DST: variants seen among roughly 807,000 people sequenced by gnomAD.
DST encodes the protein dystonin.
Under a neutral mutation model 875.2 loss-of-function variants are expected in DST, and 253 were observed. That is an observed-to-expected ratio of 0.29 (90% CI 0.26 to 0.32). DST has a LOEUF of 0.32. Ranked by LOEUF, DST falls within the 10% of genes least tolerant of loss-of-function variation. The probability of loss-of-function intolerance (pLI) is 1.00; values close to 1 mark genes in which losing one functional copy is unlikely to be tolerated. For missense variants in DST, 8,287 were observed against 9,111.6 expected (o/e 0.91, Z 3.68); for synonymous variants, 3,124 against 3,197.1 (o/e 0.98, Z 0.77).
At chr6:56,656,739 A>G (rs1452373752) in intron 10 of DST, among the ~76,000 whole-genome samples, 2 of 152,196 alleles carry the variant, frequency 1.3e-5, no homozygotes, top group African/African-American at 4.8e-5. Context: ...AAACAGTAAC[A>G]CCCCATATGA....
intron 2 of DST, among the ~76,000 whole-genome samples, chr6:56,947,225 A>T (rs1323711111): frequency 1.3e-5 from 2 of 150,584 alleles, no homozygotes; most frequent in Non-Finnish European, 2.9e-5. Context: ...AAAAGAAATC[A>T]AATGGTGATT....
At chr6:56,771,517 T>C (rs2099664114) in intron 4 of DST, among the ~76,000 whole-genome samples, 1 of 152,200 alleles carries the variant, frequency 6.6e-6, no homozygotes, top group South Asian at 2.1e-4. Context: ...TCTAAATGTA[T>C]AAATCATCAT....
At chr6:56,769,652 C>CA (rs540363892) in intron 4 of DST, among the ~76,000 whole-genome samples, 18 of 152,068 alleles carry the variant, frequency 1.2e-4, no homozygotes, top group East Asian at 7.7e-4. Context: ...CCCATCTCTA[C>CA]AAAAAAACAC....
intron 81 of DST, 160 bp from the exon 82 acceptor site, chr6:56,497,667 G>C: frequency 1.0e-6 from 1 of 989,116 alleles, no homozygotes; most frequent in Non-Finnish European, 1.5e-6. Context: ...AGCTCTAGTA[G>C]ATAAGAGTAT....
chr6:56,908,528 A>G (rs577013629), intron 2 of DST, among the ~76,000 whole-genome samples: 2 of 152,306 alleles, frequency 1.3e-5, no homozygotes, highest in South Asian at 4.1e-4. Context: ...TTGAAATACT[A>G]TTTATACTTG....
chr6:56,689,759 T>C (rs1443663344), intron 9 of DST, among the ~76,000 whole-genome samples: 3 of 152,206 alleles, frequency 2.0e-5, no homozygotes, highest in Admixed American at 6.6e-5. Flanking sequence ...TATCTTCAGA[T>C]GACTCTTACA....
At chr6:56,483,704 C>T (rs2095475868) in intron 88 of DST, 2 of 151,692 alleles carry the variant, frequency 1.3e-5, no homozygotes, top group Non-Finnish European at 2.9e-5. Context: ...TAATAACCAA[C>T]ATTCTGTCAC....
chr6:56,608,331 T>C lies in DST; in HGVS notation c.6297A>G (p.Lys2099=). ...CTATTTTTTGTCTGCCATTCAGGATTTTGTAGGCCAATTCATTTGTAATCA... is the reference window on the plus strand; with the variant it reads ...CTATTTTTTGTCTGCCATTCAGGATCTTGTAGGCCAATTCATTTGTAATCA... ...QELITNELAY[K]ILNGRQKIAA... The change falls in exon 40 of 104, where the codon AAA becomes AAG. Residue 2099 remains lysine (K), a synonymous_variant. Transcript: ENST00000680361. The C allele has an allele frequency of 6.2e-7, 1 of 1,612,930 alleles. No homozygotes were observed. Among genetic ancestry groups the C allele is most frequent in the Non-Finnish European group, 8.5e-7 (1 of 1,179,794 alleles).
Position 56,780,504 on chromosome 6 carries a change from T to G in DST, c.626-45215A>C, listed in dbSNP as rs550840141. ...ATGATGAGCATTTTTTCATGTGTCT[T>G]TTGGCTGCATAAATGTCTTCTTTTG... is the stretch of plus-strand genomic sequence containing the variant. On this transcript the variant is annotated intron_variant, in intron 4 of 103. Coordinates refer to ENST00000680361, the MANE Select transcript of DST (RefSeq NM_001374736.1). 7.6e-3 allele frequency among the ~76,000 whole-genome samples: 1,148 copies of G among 151,992 alleles called. 11 individuals are homozygous for G. The highest frequency in any genetic ancestry group is 0.012 in the Non-Finnish European group (848 of 67,952).
intron 93 of DST, among the ~76,000 whole-genome samples, chr6:56,472,683 G>A (rs1349147269): frequency 1.3e-5 from 2 of 152,184 alleles, no homozygotes; most frequent in East Asian, 1.9e-4. Flanking sequence ...GCAGTCACAA[G>A]AGTCAAAGCA....
chr6:56,502,473 A>G (rs1199219561), intron 78 of DST, among the ~76,000 whole-genome samples: 1 of 152,102 alleles, frequency 6.6e-6, no homozygotes, highest in Non-Finnish European at 1.5e-5. Flanking sequence ...TTGGGGAAAT[A>G]ATTTTATCCT....
intron 9 of DST, among the ~76,000 whole-genome samples, chr6:56,682,177 G>T (rs778204967): frequency 3.3e-5 from 5 of 151,942 alleles, no homozygotes; most frequent in African/African-American, 9.7e-5. Context: ...TTACTTCTTC[G>T]TATGTTTGTT....
intron 39 of DST, 120 bp downstream of exon 39, chr6:56,610,307 C>T: frequency 1.4e-6 from 1 of 717,806 alleles, no homozygotes; most frequent in Non-Finnish European, 2.2e-6. Context: ...TAAACTCAAT[C>T]CCTATTTTAA....
chr6:56,880,591 G>A (rs1195051539), intron 3 of DST, among the ~76,000 whole-genome samples: 1 of 151,576 alleles, frequency 6.6e-6, no homozygotes, highest in African/African-American at 2.4e-5. Context: ...GGAGCCTGAG[G>A]CAGGAGAATT....
intron 4 of DST, among the ~76,000 whole-genome samples, chr6:56,752,584 T>G (rs2099590666): frequency 6.6e-6 from 1 of 152,172 alleles, no homozygotes; most frequent in Non-Finnish European, 1.5e-5. Flanking sequence ...ATGCAGTCAT[T>G]TGAATCTAGC....
rs1220566250 is a variant in DST, at chr6:56,537,570, A to G, written c.16609-630T>C. Among the ~76,000 whole-genome samples the G allele has an allele frequency of 4.6e-5, 7 of 152,354 alleles. No homozygotes were observed. In the East Asian group the frequency reaches 1.2e-3, roughly 25 times the overall value. The stretch of plus-strand genomic sequence containing the variant: ...TACACAAATAGCCTCCTCAATGTCT[A>G]CAGAGATGCCAATGGACTCTCAAGA... On this transcript the variant is annotated intron_variant, in intron 61 of 103. Transcript: ENST00000680361.
Position 56,640,247 on chromosome 6 carries a change from G to A in DST, c.2386C>T (p.Arg796Ter), listed in dbSNP as rs376491126. The stretch of plus-strand genomic sequence containing the variant: ...AAAGAAGACTTTAGAAGGGGTTTTC[G>A]GATCTGCATCAACTTCAAAGTTTGC... ...SLQTLKLMQI[R>*]KPLLKSSLLD... The change falls in exon 18 of 104, where the codon CGA (arginine) becomes TGA (stop). Residue 796 changes from arginine to a stop codon, truncating the protein, a stop_gained. Transcript: ENST00000680361. LOFTEE classifies it high-confidence loss of function. 6 of 1,614,018 alleles carry A rather than the reference G, an allele frequency of 3.7e-6. No individual in the cohort carries two copies. Among genetic ancestry groups the A allele is most frequent in the East Asian group, 2.2e-5 (1 of 44,876 alleles).
intron 10 of DST, among the ~76,000 whole-genome samples, chr6:56,658,464 A>C (rs563579175): frequency 1.3e-5 from 2 of 152,292 alleles, no homozygotes; most frequent in South Asian, 4.1e-4. Flanking sequence ...GAGGGGGGAC[A>C]TTATGGGCTG....
chr6:56,516,129 GAGGGAGA>G (rs2096582111), intron 71 of DST, among the ~76,000 whole-genome samples: 3 of 76,916 alleles, frequency 3.9e-5, no homozygotes, highest in Non-Finnish European at 9.1e-5. Flanking sequence ...GAAAGAGAGA[GAGGGAGA>G]GAGAGAGAGA....
Sources: allele counts gnomAD v4.1 joint callset (sites outside exome capture counted in the v4.1 genomes callset), GRCh38; gene constraint gnomAD v4.1.1; transcripts MANE v1.5; gene names NCBI Gene and HGNC (gene_info 2026-07-23, HGNC 2026-07-21).